IL1RAPL2: variants seen among roughly 807,000 people sequenced by gnomAD.
IL1RAPL2 encodes X-linked interleukin-1 receptor accessory protein-like 2.
IL1RAPL2 carries 3 observed loss-of-function variants against 44.1 expected under a neutral mutation model. The ratio of observed to expected loss-of-function variants is 0.07; its 90% CI spans 0.03 to 0.18. The LOEUF (loss-of-function observed/expected upper bound fraction) is 0.18. Ranked by LOEUF, IL1RAPL2 falls within the 10% of genes least tolerant of loss-of-function variation. The pLI is 1.00. For missense variants in IL1RAPL2, 391 were observed against 496.4 expected, an observed-to-expected ratio of 0.79 and a Z score of 2.02; for synonymous variants, 181 against 178.8, an observed-to-expected ratio of 1.01 and a Z score of -0.10.
At position 105,755,182 on chromosome X, in the gene IL1RAPL2, A is replaced by G; in HGVS notation, c.1198A>G (p.Lys400Glu). ...TGTTGTTCTTTATGTTTAAGACAAC[A>G]AGGAATATGATGCCTATCTCTCTTA... ...FGADETNDDN[K>E]EYDAYLSYTK... is the part of the protein sequence containing the mutation. The change falls in exon 10 of 11, where the codon AAG becomes GAG. Residue 400 changes from lysine to glutamate, a missense_variant. Coordinates refer to ENST00000372582, the MANE Select transcript of IL1RAPL2 (RefSeq NM_017416.2). 7.6e-6 allele frequency: 9 copies of G among 1,187,062 alleles called. No homozygotes were observed. Among genetic ancestry groups the G allele is most frequent in the Non-Finnish European group, 1.0e-5 (9 of 877,939 alleles).
intron 5 of IL1RAPL2, among the ~76,000 whole-genome samples, chrX:105,272,008 C>T (rs1180070681): frequency 1.8e-5 from 2 of 109,205 alleles, no homozygotes. Context: ...TGGAAATCAT[C>T]ATTCTCAGTA....
At chrX:105,038,688 A>C (rs138139273) in intron 2 of IL1RAPL2, among the ~76,000 whole-genome samples, 4,283 of 109,881 alleles carry the variant, frequency 0.039, 231 homozygotes, top group African/African-American at 0.13. Context: ...TTTGATCCTC[A>C]CCTTCTTCCC....
intron 2 of IL1RAPL2, among the ~76,000 whole-genome samples, chrX:105,067,213 C>T (rs773097929): frequency 2.3e-4 from 26 of 111,307 alleles, no homozygotes; most frequent in African/African-American, 7.5e-4. Context: ...CAGAGACACA[C>T]ACACGCGCAC....
intron 5 of IL1RAPL2, among the ~76,000 whole-genome samples, chrX:105,314,107 G>A (rs898247980): frequency 1.8e-5 from 2 of 111,325 alleles, no homozygotes; most frequent in Admixed American, 1.9e-4. Flanking sequence ...AATCTTTTAT[G>A]AATCATTTCA....
At chrX:105,262,829 C>T (rs903743730) in intron 4 of IL1RAPL2, among the ~76,000 whole-genome samples, 10 of 111,252 alleles carry the variant, frequency 9.0e-5, no homozygotes, top group Non-Finnish European at 1.7e-4. Context: ...AATTTGCAAT[C>T]GTACTCCTAA....
intron 2 of IL1RAPL2, among the ~76,000 whole-genome samples, chrX:105,059,142 T>C: frequency 8.9e-6 from 1 of 112,193 alleles, no homozygotes; most frequent in African/African-American, 3.2e-5. Flanking sequence ...CCAATTATAC[T>C]CTTTCAGTTA....
chrX:104,899,779 C>G (rs141047628), intron 2 of IL1RAPL2, among the ~76,000 whole-genome samples: 1 of 111,829 alleles, frequency 8.9e-6, no homozygotes, highest in Non-Finnish European at 1.9e-5. Flanking sequence ...ATCTCTCCCC[C>G]TGACAAGATA....
At chrX:104,883,723 C>A (rs1370546623) in intron 2 of IL1RAPL2, among the ~76,000 whole-genome samples, 1 of 111,108 alleles carries the variant, frequency 9.0e-6, no homozygotes, top group Non-Finnish European at 1.9e-5. Context: ...TTTAGGCACC[C>A]AGGCTCACCA....
chrX:105,309,731 C>CAAAAA (rs35442561), intron 5 of IL1RAPL2, among the ~76,000 whole-genome samples: 1 of 94,754 alleles, frequency 1.1e-5, no homozygotes, highest in African/African-American at 3.9e-5. Flanking sequence ...GACTCTGTCT[C>CAAAAA]AAAAAAAAAA....
intron 6 of IL1RAPL2, among the ~76,000 whole-genome samples, chrX:105,629,867 A>G (rs1258945814): frequency 9.0e-6 from 1 of 111,550 alleles, no homozygotes; most frequent in African/African-American, 3.3e-5. Context: ...TTGAAATTAG[A>G]TGTGCCTTAT....
intron 6 of IL1RAPL2, among the ~76,000 whole-genome samples, chrX:105,646,792 T>C (rs979476178): frequency 2.7e-5 from 3 of 112,088 alleles, no homozygotes; most frequent in African/African-American, 6.5e-5. Context: ...TGCTAAGTTC[T>C]GAATCTGCCA....
intron 6 of IL1RAPL2, among the ~76,000 whole-genome samples, chrX:105,632,357 G>A: frequency 8.9e-6 from 1 of 111,975 alleles, no homozygotes. Context: ...TCTTTCGACA[G>A]CTGACAGAGT....
intron 2 of IL1RAPL2, among the ~76,000 whole-genome samples, chrX:104,863,090 A>G (rs1922533268): frequency 2.7e-5 from 3 of 112,012 alleles, no homozygotes; most frequent in Non-Finnish European, 3.8e-5. Flanking sequence ...CTTTAATTCT[A>G]TGAAGGCTAG....
chrX:105,493,728 G>A (rs1055503966), intron 6 of IL1RAPL2, among the ~76,000 whole-genome samples: 5 of 111,583 alleles, frequency 4.5e-5, no homozygotes, highest in African/African-American at 1.6e-4. Context: ...TGTTTACAAG[G>A]TCCTCTTGTA....
intron 4 of IL1RAPL2, among the ~76,000 whole-genome samples, chrX:105,266,199 G>A (rs750899097): frequency 2.7e-5 from 3 of 109,740 alleles, no homozygotes; most frequent in Admixed American, 9.8e-5. Flanking sequence ...ATGACACCAC[G>A]CCCAGCTAAT....
At chrX:104,778,623 G>A (rs1323068678) in intron 2 of IL1RAPL2, among the ~76,000 whole-genome samples, 4 of 102,581 alleles carry the variant, frequency 3.9e-5, no homozygotes, top group African/African-American at 6.9e-5. Flanking sequence ...TATGAATATG[G>A]GTGTACAGAT....
intron 2 of IL1RAPL2, among the ~76,000 whole-genome samples, chrX:104,671,492 G>C (rs1304400397): frequency 9.0e-6 from 1 of 111,082 alleles, no homozygotes; most frequent in African/African-American, 3.3e-5. Flanking sequence ...TGCCCCCATC[G>C]ACCCACCTCT....
intron 6 of IL1RAPL2, among the ~76,000 whole-genome samples, chrX:105,517,453 T>G (rs1163511408): frequency 1.8e-5 from 2 of 111,497 alleles, no homozygotes; most frequent in Non-Finnish European, 3.8e-5. Flanking sequence ...ACTACTCTTT[T>G]CAGGCATTTA....
chrX:105,761,655 G>A (rs763388662), intron 10 of IL1RAPL2, among the ~76,000 whole-genome samples: 1 of 111,767 alleles, frequency 8.9e-6, no homozygotes, highest in Non-Finnish European at 1.9e-5. Context: ...AATTAATGGA[G>A]TATTATCTGT....
Sources: allele counts gnomAD v4.1 joint callset (sites outside exome capture counted in the v4.1 genomes callset), GRCh38; gene constraint gnomAD v4.1.1; transcripts MANE v1.5; gene names NCBI Gene and HGNC (gene_info 2026-07-23, HGNC 2026-07-21).